KAZN: variants seen among roughly 807,000 people sequenced by gnomAD.
KAZN encodes the protein kazrin, periplakin interacting protein, also known as kazrin.
In KAZN, 40 loss-of-function variants were observed where a neutral mutation model predicts 87.4. That is an observed-to-expected ratio of 0.46 (90% CI 0.36 to 0.60). The LOEUF is 0.60. Ranked by LOEUF, KAZN falls within the 20% of genes least tolerant of loss-of-function variation. KAZN has a pLI of 0.00. For missense variants in KAZN, 898 were observed against 1,073.9 expected (o/e 0.84, Z 2.29); for synonymous variants, 466 against 458.3 (o/e 1.02, Z -0.22).
At chr1:14,561,256 T>C (rs994255369) in intron 2 of KAZN, among the ~76,000 whole-genome samples, 1 of 152,118 alleles carries the variant, frequency 6.6e-6, no homozygotes, top group East Asian at 1.9e-4. Context: ...CCCAAAGAAA[T>C]GGGAATATTC....
upstream of KAZN, among the ~76,000 whole-genome samples, chr1:14,595,750 A>G (rs1216487089): frequency 1.3e-5 from 2 of 152,062 alleles, no homozygotes; most frequent in African/African-American, 4.8e-5. Context: ...GTTTAAATCA[A>G]GTATACCCGC....
chr1:14,387,855 C>T (rs1363489549), intron 2 of KAZN, among the ~76,000 whole-genome samples: 1 of 152,192 alleles, frequency 6.6e-6, no homozygotes, highest in African/African-American at 2.4e-5. Flanking sequence ...GTTCGAGCTT[C>T]CCGGCTGCTT....
chr1:14,383,434 T>G (rs536192189), intron 2 of KAZN, among the ~76,000 whole-genome samples: 1 of 152,132 alleles, frequency 6.6e-6, no homozygotes, highest in South Asian at 2.1e-4. Context: ...TCTTCTAGGG[T>G]TTTTATGGTT....
intron 1 of KAZN, among the ~76,000 whole-genome samples, chr1:14,794,234 G>C (rs1645765990): frequency 6.6e-6 from 1 of 152,168 alleles, no homozygotes; most frequent in Non-Finnish European, 1.5e-5. Context: ...GGGGATTGCT[G>C]ACTCTCATCT....
chr1:15,010,486 G>A (rs1669471111), intron 2 of KAZN, among the ~76,000 whole-genome samples: 1 of 149,118 alleles, frequency 6.7e-6, no homozygotes, highest in African/African-American at 2.5e-5. Context: ...CGCCTCCCAG[G>A]TTCCCGCCAT....
chr1:14,504,705 T>C (rs527689186), intron 2 of KAZN, among the ~76,000 whole-genome samples: 1 of 152,342 alleles, frequency 6.6e-6, no homozygotes, highest in East Asian at 1.9e-4. Context: ...CATAATCCTC[T>C]GTAATCGTCT....
At chr1:15,063,491 C>T in intron 6 of KAZN, 81 bp from the exon 7 acceptor site, 1 of 1,205,172 alleles carries the variant, frequency 8.3e-7, no homozygotes, top group Non-Finnish European at 1.2e-6. Flanking sequence ...CCACGGAAGG[C>T]CCCACACCGC....
chr1:14,314,231 A>G (rs1414432304), intron 2 of KAZN, among the ~76,000 whole-genome samples: 1 of 152,160 alleles, frequency 6.6e-6, no homozygotes, highest in Non-Finnish European at 1.5e-5. Context: ...AAAGGGAGTG[A>G]GCTCTCCACT....
intron 1 of KAZN, among the ~76,000 whole-genome samples, chr1:14,901,782 C>T (rs903881343): frequency 6.6e-6 from 1 of 152,208 alleles, no homozygotes; most frequent in African/African-American, 2.4e-5. Context: ...AGGGTTGTTA[C>T]ATCTCTGCCC....
chr1:14,176,941 C>T (rs773162557), intron 1 of KAZN, among the ~76,000 whole-genome samples: 19 of 152,220 alleles, frequency 1.2e-4, no homozygotes, highest in East Asian at 3.9e-4. Context: ...GGGTGGATCA[C>T]GAGGTCAGGA....
intron 2 of KAZN, among the ~76,000 whole-genome samples, chr1:15,004,371 A>G (rs76683575): frequency 0.018 from 2,785 of 152,286 alleles, 50 homozygotes; most frequent in East Asian, 0.095. Context: ...TGCAAATATC[A>G]TTGCAGAGTG....
At chr1:14,025,729 CTTTA>C (rs1490777859) in intron 1 of KAZN, among the ~76,000 whole-genome samples, 1 of 152,112 alleles carries the variant, frequency 6.6e-6, no homozygotes, top group East Asian at 1.9e-4. Context: ...GAATTTTAAA[CTTTA>C]TTTAATTATA....
chr1:14,548,468 CGA>C (rs1673311488), intron 2 of KAZN, among the ~76,000 whole-genome samples: 1 of 152,152 alleles, frequency 6.6e-6, no homozygotes, highest in Non-Finnish European at 1.5e-5. Context: ...AAAAGTGCTG[CGA>C]TTACAGGCGT....
intron 2 of KAZN, among the ~76,000 whole-genome samples, chr1:14,220,956 C>T (rs1043006424): frequency 3.3e-5 from 5 of 152,126 alleles, no homozygotes; most frequent in African/African-American, 4.8e-5. Flanking sequence ...CAGCTTCCTC[C>T]GCTTATCCAT....
intron 1 of KAZN, among the ~76,000 whole-genome samples, chr1:13,960,944 G>A (rs1570394420): frequency 6.6e-6 from 1 of 152,188 alleles, no homozygotes; most frequent in Admixed American, 6.5e-5. Context: ...GTCCCTGGCT[G>A]AGAAGGGGAC....
At chr1:14,862,789 A>T (rs1273115990) in intron 1 of KAZN, among the ~76,000 whole-genome samples, 3 of 152,212 alleles carry the variant, frequency 2.0e-5, no homozygotes, top group African/African-American at 7.2e-5. Context: ...TCAGCTTTGC[A>T]AACCAGGACA....
intron 1 of KAZN, among the ~76,000 whole-genome samples, chr1:14,760,832 A>C (rs1442056941): frequency 6.6e-6 from 1 of 152,188 alleles, no homozygotes; most frequent in Non-Finnish European, 1.5e-5. Context: ...GGGGCTTAGC[A>C]AACTTTTTTC....
At chr1:14,780,551 T>C (rs1026063822) in intron 1 of KAZN, among the ~76,000 whole-genome samples, 1 of 152,216 alleles carries the variant, frequency 6.6e-6, no homozygotes, top group Admixed American at 6.5e-5. Context: ...AGATAGTAAT[T>C]AGAATCTGCC....
chr1:14,605,349 A>C lies in KAZN; in HGVS notation c.226+6126A>C, dbSNP rs1413684644. On this transcript the variant is annotated intron_variant, in intron 1 of 14. Transcript: ENST00000376030. ...GAATCCTGAGGCCAGCGAGGTGACA[A>C]CTATAGCTGGCCCCCACCCAGCACA... Among the ~76,000 whole-genome samples, 21 of 152,194 alleles carry C rather than the reference A, an allele frequency of 1.4e-4. 1 individual carries two copies. The highest frequency in any genetic ancestry group is 2.9e-5 in the Non-Finnish European group (2 of 68,034).
Sources: allele counts gnomAD v4.1 joint callset (sites outside exome capture counted in the v4.1 genomes callset), GRCh38; gene constraint gnomAD v4.1.1; transcripts MANE v1.5; gene names NCBI Gene and HGNC (gene_info 2026-07-23, HGNC 2026-07-21).